Variants in CDH4 observed in about 807,000 individuals in gnomAD.
CDH4 encodes the protein cadherin-4.
CDH4 carries 33 observed loss-of-function variants against 86.0 expected under a neutral mutation model. The observed-to-expected ratio is 0.38, with a 90% CI of 0.29 to 0.51. The LOEUF (loss-of-function observed/expected upper bound fraction) is 0.51, where lower values mean the gene tolerates loss of function less well. Among genes scored for constraint, CDH4 ranks in the 20% least tolerant of loss-of-function variants. CDH4 has a pLI of 0.86. For missense variants in CDH4, 1,114 were observed against 1,307.4 expected, an observed-to-expected ratio of 0.85 and a Z score of 2.28; for synonymous variants, 555 against 549.4, an observed-to-expected ratio of 1.01 and a Z score of -0.14.
chr20:61,781,831 A>G lies in CDH4; in HGVS notation c.576+8649A>G, dbSNP rs976877028. The stretch of plus-strand genomic sequence containing the variant: ...CACCGATCATAGTCAAACTGCTGAA[A>G]TGCAAAAATAAAGAAAACATCTCTA... On this transcript the variant is annotated intron_variant, in intron 4 of 15. Coordinates refer to ENST00000614565, the MANE Select transcript of CDH4 (RefSeq NM_001794.5). 4.6e-5 allele frequency among the ~76,000 whole-genome samples: 7 copies of G among 152,234 alleles called. 1 individual carries two copies. Among genetic ancestry groups the G allele is most frequent in the Admixed American group, 1.3e-4 (2 of 15,284 alleles).
chr20:61,437,805 G>A (rs1247614178), intron 2 of CDH4, among the ~76,000 whole-genome samples: 2 of 152,126 alleles, frequency 1.3e-5, no homozygotes, highest in African/African-American at 2.4e-5. Flanking sequence ...CACTCCACAC[G>A]ACGGTTAGGA....
chr20:61,280,457 C>T (rs551005525), intron 2 of CDH4, among the ~76,000 whole-genome samples: 46 of 152,306 alleles, frequency 3.0e-4, no homozygotes, highest in Admixed American at 1.2e-3. Flanking sequence ...CCTTGGAAGA[C>T]GGTGCCCTGG....
intron 4 of CDH4, among the ~76,000 whole-genome samples, chr20:61,775,413 G>T (rs16985568): frequency 6.6e-6 from 1 of 152,030 alleles, no homozygotes; most frequent in African/African-American, 2.4e-5. Context: ...GACAGTCATC[G>T]ATCTTACTCT....
At chr20:61,331,305 A>G (rs1191301242) in intron 2 of CDH4, among the ~76,000 whole-genome samples, 2 of 151,882 alleles carry the variant, frequency 1.3e-5, no homozygotes, top group East Asian at 1.9e-4. Flanking sequence ...AGTCCTCCCC[A>G]TGGTGGTCAG....
chr20:61,280,729 C>G (rs578174783), intron 2 of CDH4, among the ~76,000 whole-genome samples: 1 of 152,166 alleles, frequency 6.6e-6, no homozygotes, highest in Non-Finnish European at 1.5e-5. Flanking sequence ...CAGCACAGTT[C>G]CAGCACCCCT....
At chr20:61,347,824 T>G (rs2084688646) in intron 2 of CDH4, among the ~76,000 whole-genome samples, 1 of 152,204 alleles carries the variant, frequency 6.6e-6, no homozygotes, top group African/African-American at 2.4e-5. Context: ...TGATTTGAAT[T>G]GGGACCCACA....
At chr20:61,530,821 G>A (rs1408626027) in intron 2 of CDH4, among the ~76,000 whole-genome samples, 1 of 152,088 alleles carries the variant, frequency 6.6e-6, no homozygotes, top group Non-Finnish European at 1.5e-5. Context: ...TTAGAGACAA[G>A]TATCTCCAGC....
intron 11 of CDH4, 126 bp downstream of exon 11, chr20:61,924,602 G>A (rs1013334322): frequency 2.1e-6 from 2 of 964,124 alleles, no homozygotes; most frequent in Non-Finnish European, 3.0e-6. Flanking sequence ...GTCACCCAGA[G>A]GGGCTGAGGG....
chr20:61,493,954 CT>C (rs2085642135), intron 2 of CDH4, among the ~76,000 whole-genome samples: 1 of 152,224 alleles, frequency 6.6e-6, no homozygotes, highest in Non-Finnish European at 1.5e-5. Context: ...AAACCTCCCC[CT>C]GAAGCAAGAC....
chr20:61,352,696 G>A lies in CDH4; in HGVS notation c.169+97759G>A, dbSNP rs556368582. 2.6e-5 allele frequency among the ~76,000 whole-genome samples: 4 copies of A among 152,260 alleles called. No homozygotes were observed. The East Asian group carries it at 7.7e-4, about 29-fold the overall frequency. On this transcript the variant is annotated intron_variant, in intron 2 of 15. Coordinates refer to ENST00000614565, the MANE Select transcript of CDH4 (RefSeq NM_001794.5). ...TCCTTGGATGGAGATGTTCTCTAGGGGGCCTGGCTGTTTCTTGTTGGTTTG... is the reference window on the plus strand; with the variant it reads ...TCCTTGGATGGAGATGTTCTCTAGGAGGCCTGGCTGTTTCTTGTTGGTTTG...
intron 2 of CDH4, among the ~76,000 whole-genome samples, chr20:61,267,665 T>TA (rs2084164035): frequency 6.6e-6 from 1 of 152,182 alleles, no homozygotes; most frequent in South Asian, 2.1e-4. Flanking sequence ...ATCACATAGA[T>TA]ATACTGTAAA....
At chr20:61,867,163 G>T (rs1284510708) in intron 6 of CDH4, among the ~76,000 whole-genome samples, 2 of 152,256 alleles carry the variant, frequency 1.3e-5, no homozygotes, top group African/African-American at 2.4e-5. Context: ...CTGAGCCTGG[G>T]ATTTTGAAGC....
At chr20:61,850,761 G>A (rs1982682115) in intron 5 of CDH4, among the ~76,000 whole-genome samples, 1 of 152,222 alleles carries the variant, frequency 6.6e-6, no homozygotes, top group African/African-American at 2.4e-5. Context: ...TCATGGTGAG[G>A]TCACCTCTCT....
In CDH4 at chr20:61,731,943, C is replaced by G. The variant is rs559207830; in HGVS notation, c.170-11620C>G. On this transcript the variant is annotated intron_variant, in intron 2 of 15. Coordinates refer to ENST00000614565, the MANE Select transcript of CDH4 (RefSeq NM_001794.5). ...TTGCCCCACCTGCACGGTCCCCCTA[C>G]CCACCCACTCCCCTTAGGAGATTCT... is the stretch of plus-strand genomic sequence containing the variant. 1.2e-4 allele frequency among the ~76,000 whole-genome samples: 19 copies of G among 152,192 alleles called. 1 individual carries two copies. The highest frequency in any genetic ancestry group is 6.5e-4 in the Admixed American group (10 of 15,304).
intron 2 of CDH4, among the ~76,000 whole-genome samples, chr20:61,436,189 G>C (rs2085281005): frequency 6.6e-6 from 1 of 152,126 alleles, no homozygotes; most frequent in Admixed American, 6.5e-5. Flanking sequence ...GGCTCACCTT[G>C]CTCCTCTCTT....
chr20:61,494,465 G>C (rs2085645722), intron 2 of CDH4, among the ~76,000 whole-genome samples: 1 of 152,182 alleles, frequency 6.6e-6, no homozygotes, highest in South Asian at 2.1e-4. Flanking sequence ...ATGAAATACA[G>C]AAGGGCTCAA....
chr20:61,723,875 G>A (rs4547602), intron 2 of CDH4, among the ~76,000 whole-genome samples: 71,707 of 114,658 alleles, frequency 0.63, 21,089 homozygotes, highest in East Asian at 0.89. Flanking sequence ...GCTCCATGCG[G>A]CAGGTGGGGT....
chr20:61,445,549 G>A (rs2085344830), intron 2 of CDH4, among the ~76,000 whole-genome samples: 2 of 151,036 alleles, frequency 1.3e-5, no homozygotes, highest in South Asian at 2.1e-4. Context: ...GCTTCCCTCC[G>A]GCCCCTCCTC....
At chr20:61,710,291 C>T (rs73314427) in intron 2 of CDH4, among the ~76,000 whole-genome samples, 1 of 152,184 alleles carries the variant, frequency 6.6e-6, no homozygotes, top group Non-Finnish European at 1.5e-5. Flanking sequence ...CAGCTCACCT[C>T]TCTGAGCCTG....
Sources: gnomAD v4.1 joint callset for allele counts (sites outside exome capture counted in the v4.1 genomes callset) on GRCh38, gnomAD v4.1.1 for gene constraint, MANE v1.5 for transcripts, NCBI Gene and HGNC (gene_info 2026-07-23, HGNC 2026-07-21) for gene names.